The following TENM3 variants were observed in gnomAD, a reference collection of about 807,000 sequenced individuals.
TENM3 encodes teneurin transmembrane protein 3.
Under a neutral mutation model 255.1 loss-of-function variants are expected in TENM3, and 63 were observed. That is an observed-to-expected ratio of 0.25 (90% CI 0.20 to 0.30). The LOEUF (loss-of-function observed/expected upper bound fraction) is 0.30, where lower values mean the gene tolerates loss of function less well. TENM3 is among the 10% of genes least tolerant of loss of function. The probability of loss-of-function intolerance (pLI) is 1.00; values close to 1 mark genes in which losing one functional copy is unlikely to be tolerated. For synonymous variants in TENM3, 1,306 were observed against 1,322.3 expected (o/e 0.99, Z 0.27); for missense variants, 2,929 against 3,461.1 (o/e 0.85, Z 3.86).
At chr4:182,141,916 T>G (rs1000245255), upstream of TENM3, 1 of 152,218 alleles carries the variant, frequency 6.6e-6, no homozygotes, top group Non-Finnish European at 1.5e-5. Context: ...CTCATCTCTT[T>G]ATTGTGTATT....
chr4:181,664,881 G>T, the TENM3 span, among the ~76,000 whole-genome samples: 1 of 152,130 alleles, frequency 6.6e-6, no homozygotes, highest in Non-Finnish European at 1.5e-5. Flanking sequence ...CATGCTCCTT[G>T]TCAACTCCTT....
the TENM3 span, among the ~76,000 whole-genome samples, chr4:181,761,574 A>T: frequency 6.6e-6 from 1 of 152,200 alleles, no homozygotes; most frequent in African/African-American, 2.4e-5. Context: ...CTAAATTCAG[A>T]TATCTAAAAA....
At chr4:181,905,864 A>T in the TENM3 span, 1 of 463,640 alleles carries the variant, frequency 2.2e-6, no homozygotes, top group Non-Finnish European at 4.1e-6. Flanking sequence ...TATCATCATT[A>T]TCTTCACAGC....
intron 3 of TENM3, among the ~76,000 whole-genome samples, chr4:182,446,109 T>C (rs1004656562): frequency 6.6e-6 from 1 of 152,192 alleles, no homozygotes; most frequent in Non-Finnish European, 1.5e-5. Context: ...TTTTCAACAA[T>C]AGAAATTGTT....
At chr4:182,659,913 C>T (rs1464485540) in intron 6 of TENM3, among the ~76,000 whole-genome samples, 1 of 152,154 alleles carries the variant, frequency 6.6e-6, no homozygotes, top group East Asian at 1.9e-4. Flanking sequence ...AGTTACGAGC[C>T]TCACCACCTG....
the TENM3 span, among the ~76,000 whole-genome samples, chr4:181,638,894 C>T: frequency 6.6e-6 from 1 of 152,132 alleles, no homozygotes; most frequent in Non-Finnish European, 1.5e-5. Flanking sequence ...TAATAACTGA[C>T]ATTTAGTAGT....
the TENM3 span, among the ~76,000 whole-genome samples, chr4:181,736,123 C>T: frequency 6.6e-6 from 1 of 152,176 alleles, no homozygotes. Flanking sequence ...CATGGTGAAA[C>T]CCTGTATCTA....
the TENM3 span, among the ~76,000 whole-genome samples, chr4:181,997,205 G>A: frequency 1.1e-3 from 170 of 152,166 alleles, no homozygotes; most frequent in African/African-American, 1.9e-3. Context: ...TAGTTGATTC[G>A]TAAATAGTTG....
At chr4:182,517,262 G>A (rs1214871962) in intron 3 of TENM3, among the ~76,000 whole-genome samples, 2 of 152,040 alleles carry the variant, frequency 1.3e-5, no homozygotes, top group Admixed American at 6.5e-5. Context: ...TAGGGAAAAG[G>A]CTTCTGAAGT....
intron 1 of TENM3, among the ~76,000 whole-genome samples, chr4:182,185,648 C>T (rs1419063678): frequency 6.6e-6 from 1 of 152,202 alleles, no homozygotes; most frequent in African/African-American, 2.4e-5. Context: ...TCCTGCTCTT[C>T]AAAGTAGCAC....
the TENM3 span, among the ~76,000 whole-genome samples, chr4:182,041,232 C>T: frequency 5.7e-4 from 86 of 152,094 alleles, 1 homozygote; most frequent in African/African-American, 1.8e-3. Flanking sequence ...CCTACACATA[C>T]GTTATAGATC....
chr4:181,772,066 T>G, the TENM3 span, among the ~76,000 whole-genome samples: 2 of 152,006 alleles, frequency 1.3e-5, no homozygotes, highest in Admixed American at 1.3e-4. Context: ...GCAAAGAAAA[T>G]TTATGATATG....
the TENM3 span, among the ~76,000 whole-genome samples, chr4:181,868,450 G>C: frequency 6.6e-6 from 1 of 152,168 alleles, no homozygotes; most frequent in Non-Finnish European, 1.5e-5. Context: ...TGTTTTGCCA[G>C]ATGATTTGAC....
At chr4:181,600,064 G>C in the TENM3 span, among the ~76,000 whole-genome samples, 1 of 152,142 alleles carries the variant, frequency 6.6e-6, no homozygotes, top group African/African-American at 2.4e-5. Context: ...GTTATTTTCA[G>C]ACTTATACAG....
At chr4:181,486,514 T>G in the TENM3 span, among the ~76,000 whole-genome samples, 1 of 152,204 alleles carries the variant, frequency 6.6e-6, no homozygotes, top group Non-Finnish European at 1.5e-5. Context: ...AAGGAGGTCA[T>G]TAGCTTGCAC....
At chr4:181,580,835 G>C in the TENM3 span, among the ~76,000 whole-genome samples, 6 of 152,168 alleles carry the variant, frequency 3.9e-5, no homozygotes, top group Non-Finnish European at 1.5e-5. Flanking sequence ...TACTGAAGTT[G>C]GTGGTGCCTG....
At chr4:182,135,842 G>C in the TENM3 span, among the ~76,000 whole-genome samples, 65 of 152,298 alleles carry the variant, frequency 4.3e-4, no homozygotes, top group Non-Finnish European at 1.3e-4. Flanking sequence ...TTAGTTGATA[G>C]TTCACAGACA....
the TENM3 span, among the ~76,000 whole-genome samples, chr4:181,977,978 A>G: frequency 6.6e-6 from 1 of 152,220 alleles, no homozygotes; most frequent in African/African-American, 2.4e-5. Context: ...GAGGCCTTTC[A>G]TGTTGATTAT....
the TENM3 span, among the ~76,000 whole-genome samples, chr4:181,593,552 A>G: frequency 2.0e-5 from 3 of 152,208 alleles, no homozygotes; most frequent in Non-Finnish European, 4.4e-5. Flanking sequence ...TGCAATGGAA[A>G]CCAGTAGTAC....
Sources: allele counts gnomAD v4.1 joint callset (sites outside exome capture counted in the v4.1 genomes callset), GRCh38; gene constraint gnomAD v4.1.1; transcripts MANE v1.5; gene names NCBI Gene and HGNC (gene_info 2026-07-23, HGNC 2026-07-21).